The following FAM227B variants were observed in gnomAD, a reference collection of about 807,000 sequenced individuals.
The protein encoded by FAM227B is protein FAM227B.
A neutral mutation model predicts 73.8 loss-of-function variants in FAM227B; 88 were observed. That is an observed-to-expected ratio of 1.19 (90% confidence interval 1.00 to 1.42). FAM227B has a LOEUF of 1.42. Among genes scored for constraint, FAM227B ranks in the 40% most tolerant of loss-of-function variants. The pLI, the probability that FAM227B is intolerant of heterozygous loss-of-function variation, is 0.00. For synonymous variants in FAM227B, 210 were observed against 190.5 expected, an observed-to-expected ratio of 1.10 and a Z score of -0.84; for missense variants, 632 against 590.9, an observed-to-expected ratio of 1.07 and a Z score of -0.72.
At chr15:49,533,547 T>C (rs1343224075) in intron 10 of FAM227B, among the ~76,000 whole-genome samples, 1 of 151,928 alleles carries the variant, frequency 6.6e-6, no homozygotes, top group Non-Finnish European at 1.5e-5. Flanking sequence ...TATATTTAGG[T>C]GCTCCAACAT....
chr15:49,531,365 A>G (rs1385592971), intron 10 of FAM227B, among the ~76,000 whole-genome samples: 2 of 151,938 alleles, frequency 1.3e-5, no homozygotes, highest in African/African-American at 4.8e-5. Flanking sequence ...TAATGTTAAA[A>G]ACAAATAATC....
intron 11 of FAM227B, among the ~76,000 whole-genome samples, chr15:49,507,680 T>C (rs1039491422): frequency 1.8e-4 from 28 of 152,058 alleles, no homozygotes; most frequent in African/African-American, 6.3e-4. Flanking sequence ...AATGAATTGG[T>C]ATTTCAAGTA....
intron 9 of FAM227B, among the ~76,000 whole-genome samples, chr15:49,555,874 T>A (rs1250296387): frequency 6.6e-6 from 1 of 152,238 alleles, no homozygotes; most frequent in Non-Finnish European, 1.5e-5. Context: ...ATTCTTGAAG[T>A]GCGTTTTTCA....
chr15:49,496,613 C>CA (rs1408479292), intron 11 of FAM227B, among the ~76,000 whole-genome samples: 1 of 152,048 alleles, frequency 6.6e-6, no homozygotes, highest in Non-Finnish European at 1.5e-5. Flanking sequence ...GTTTGGAAGG[C>CA]AAATTTTAAC....
intron 11 of FAM227B, chr15:49,483,367 T>C (rs2056125438): frequency 3.3e-6 from 2 of 609,800 alleles, no homozygotes; most frequent in South Asian, 2.0e-5. Flanking sequence ...TATAATTTAA[T>C]GATTTTATTA....
At chr15:49,430,334 TTA>T (rs1256202906) in intron 11 of FAM227B, among the ~76,000 whole-genome samples, 2 of 151,850 alleles carry the variant, frequency 1.3e-5, no homozygotes, top group Non-Finnish European at 2.9e-5. Flanking sequence ...CAATGTCTGC[TTA>T]TTCTGCACTT....
chr15:49,444,836 T>TA (rs2052032014), intron 11 of FAM227B, among the ~76,000 whole-genome samples: 2 of 151,812 alleles, frequency 1.3e-5, no homozygotes, highest in South Asian at 4.1e-4. Flanking sequence ...TACTTTGAGC[T>TA]AAAAAAATAA....
chr15:49,608,895 T>C (rs2077699538), intron 3 of FAM227B, among the ~76,000 whole-genome samples: 1 of 151,744 alleles, frequency 6.6e-6, no homozygotes, highest in Non-Finnish European at 1.5e-5. Flanking sequence ...GTATAATATA[T>C]AAATATGGAA....
rs768667454 is a variant in FAM227B at position 49,568,225 on chromosome 15, CTG to C, written c.747+18_747+19del. 23 of 1,537,442 alleles carry C rather than the reference CTG, an allele frequency of 1.5e-5. No homozygotes were observed. Among genetic ancestry groups the C allele is most frequent in the Admixed American group, 7.0e-5 (4 of 57,098 alleles). On this transcript the variant is annotated intron_variant, in intron 9 of 15. Transcript: ENST00000299338. ...TTCACTTTAAAAATAATTAGCATAACTGTTAATTTCAATGCTTACCTGAAAAA... is the reference window on the plus strand; with the variant it reads ...TTCACTTTAAAAATAATTAGCATAACTTAATTTCAATGCTTACCTGAAAAA...
chr15:49,429,714 T>C (rs1277957924), intron 11 of FAM227B, among the ~76,000 whole-genome samples: 1 of 151,948 alleles, frequency 6.6e-6, no homozygotes, highest in Non-Finnish European at 1.5e-5. Flanking sequence ...TTTCATTAAA[T>C]TGATCTGAGG....
chr15:49,554,818 T>C (rs1183023223), intron 9 of FAM227B, among the ~76,000 whole-genome samples: 1 of 152,132 alleles, frequency 6.6e-6, no homozygotes, highest in East Asian at 1.9e-4. Flanking sequence ...AGTTGTTAAC[T>C]TGGTGTTCTT....
chr15:49,570,889 TATTA>T (rs2075050183), intron 8 of FAM227B, among the ~76,000 whole-genome samples: 1 of 147,620 alleles, frequency 6.8e-6, no homozygotes, highest in Non-Finnish European at 1.5e-5. Flanking sequence ...TTATATAATT[TATTA>T]ATATTATTAT....
At chr15:49,532,496 C>G (rs10152352) in intron 10 of FAM227B, among the ~76,000 whole-genome samples, 47,936 of 151,144 alleles carry the variant, frequency 0.32, 8,156 homozygotes, top group African/African-American at 0.42. Flanking sequence ...ATATTTTTGT[C>G]AAGTAAAAAT....
intron 10 of FAM227B, among the ~76,000 whole-genome samples, chr15:49,527,198 G>A (rs1567492128): frequency 6.6e-6 from 1 of 151,992 alleles, no homozygotes; most frequent in East Asian, 1.9e-4. Context: ...TCACGGTCAA[G>A]TGGGTTTTAT....
chr15:49,569,131 A>AT (rs2074896407), intron 8 of FAM227B, among the ~76,000 whole-genome samples: 1 of 151,888 alleles, frequency 6.6e-6, no homozygotes, highest in Non-Finnish European at 1.5e-5. Context: ...GAATTTGTCT[A>AT]TTTCAACTAC....
intron 9 of FAM227B, among the ~76,000 whole-genome samples, chr15:49,563,919 T>C (rs762329220): frequency 6.6e-5 from 10 of 152,182 alleles, no homozygotes; most frequent in Non-Finnish European, 1.2e-4. Context: ...TTTCTGGACA[T>C]TGGCCTTGGC....
At chr15:49,616,640 A>C (rs753177164) in intron 1 of FAM227B, among the ~76,000 whole-genome samples, 12 of 152,146 alleles carry the variant, frequency 7.9e-5, no homozygotes, top group Non-Finnish European at 1.6e-4. Context: ...ACTGTGAGAA[A>C]ATAAACTACT....
intron 11 of FAM227B, among the ~76,000 whole-genome samples, chr15:49,502,762 T>C (rs553211702): frequency 2.2e-4 from 34 of 152,200 alleles, no homozygotes; most frequent in African/African-American, 8.2e-4. Flanking sequence ...TGAAATGATA[T>C]AGTTTGGATA....
chr15:49,381,053 A>C (rs977288156), intron 11 of FAM227B, among the ~76,000 whole-genome samples: 1 of 152,202 alleles, frequency 6.6e-6, no homozygotes, highest in Non-Finnish European at 1.5e-5. Context: ...TGAGAAACGA[A>C]GCAAGAGCAA....
Sources: allele counts gnomAD v4.1 joint callset (sites outside exome capture counted in the v4.1 genomes callset), GRCh38; gene constraint gnomAD v4.1.1; transcripts MANE v1.5; gene names NCBI Gene and HGNC (gene_info 2026-07-23, HGNC 2026-07-21).